TMED10: variants seen among roughly 807,000 people sequenced by gnomAD.
TMED10 encodes transmembrane p24 trafficking protein 10, also known as transmembrane emp24 domain-containing protein 10.
In TMED10, 7 loss-of-function variants were observed where a neutral mutation model predicts 23.1. The observed-to-expected ratio is 0.30, with a 90% CI of 0.17 to 0.57. The LOEUF is 0.57. Ranked by LOEUF, TMED10 falls within the 20% of genes least tolerant of loss-of-function variation. TMED10 has a pLI of 0.91. For missense variants in TMED10, 162 were observed against 274.8 expected (o/e 0.59, Z 2.90); for synonymous variants, 113 against 106.9 (o/e 1.06, Z -0.35).
At chr14:75,138,999 C>A (rs1895789746) in intron 3 of TMED10, 1 of 322,946 alleles carries the variant, frequency 3.1e-6, no homozygotes, top group Non-Finnish European at 6.0e-6. Context: ...AGTTGTACAA[C>A]CAACACATAA....
At chr14:75,170,370 C>A (rs1896218032) in intron 1 of TMED10, among the ~76,000 whole-genome samples, 1 of 152,164 alleles carries the variant, frequency 6.6e-6, no homozygotes, top group Admixed American at 6.5e-5. Flanking sequence ...TTGTGGTCTC[C>A]AAATACCAAT....
intron 1 of TMED10, among the ~76,000 whole-genome samples, chr14:75,156,433 G>A (rs1286112853): frequency 6.6e-6 from 1 of 151,964 alleles, no homozygotes; most frequent in Non-Finnish European, 1.5e-5. Flanking sequence ...AAAAGTAAAT[G>A]CCCACAGAGA....
chr14:75,143,109 T>G (rs531562631), intron 3 of TMED10, among the ~76,000 whole-genome samples: 5 of 152,266 alleles, frequency 3.3e-5, no homozygotes, highest in Admixed American at 6.5e-5. Flanking sequence ...TCCACCTGCC[T>G]CAGCCTTCCA....
At chr14:75,169,571 T>C (rs1566676404) in intron 1 of TMED10, among the ~76,000 whole-genome samples, 1 of 152,066 alleles carries the variant, frequency 6.6e-6, no homozygotes, top group East Asian at 1.9e-4. Context: ...GGCAGGAGAA[T>C]TGCTTGAACC....
At chr14:75,150,006 G>C (rs1367061812) in intron 2 of TMED10, among the ~76,000 whole-genome samples, 1 of 152,142 alleles carries the variant, frequency 6.6e-6, no homozygotes, top group East Asian at 1.9e-4. Context: ...CGGAGGCTGA[G>C]GCATGAGAAT....
At position 75,147,695 on chromosome 14, in the gene TMED10, T is replaced by C; in HGVS notation, c.380A>G (p.Lys127Arg). Residue 127 changes from lysine (K) to arginine (R), a missense_variant, in exon 3 of 5, where the codon AAG becomes AGG. Lys to Arg is a conservative substitution (Grantham distance 26). Coordinates refer to ENST00000303575, the MANE Select transcript of TMED10 (RefSeq NM_006827.6). Reference protein sequence around the residue: ...IPDQLVILDMKHGVEAKNYEE... With the variant: ...IPDQLVILDMRHGVEAKNYEE... Reference sequence around the variant, plus strand: ...GTAATTTTTCGCCTCCACTCCATGCTTCATGTCTAGGATCACGAGTTGGTC... The same window carrying C: ...GTAATTTTTCGCCTCCACTCCATGCCTCATGTCTAGGATCACGAGTTGGTC... The C allele has an allele frequency of 6.2e-7, 1 of 1,614,190 alleles. No individual in the cohort carries two copies. Among genetic ancestry groups the C allele is most frequent in the Non-Finnish European group, 8.5e-7 (1 of 1,180,032 alleles).
At chr14:75,136,719 A>T (rs1037736854) in intron 3 of TMED10, 1 of 152,236 alleles carries the variant, frequency 6.6e-6, no homozygotes, top group Non-Finnish European at 1.5e-5. Context: ...TTAATATCAG[A>T]GCTCAGATGT....
At chr14:75,151,048 A>G (rs1275839046) in intron 2 of TMED10, among the ~76,000 whole-genome samples, 1 of 151,984 alleles carries the variant, frequency 6.6e-6, no homozygotes, top group Non-Finnish European at 1.5e-5. Flanking sequence ...GATTACAGGC[A>G]TGTGCCACCA....
chr14:75,169,035 C>T (rs1896197827), intron 1 of TMED10, among the ~76,000 whole-genome samples: 1 of 152,118 alleles, frequency 6.6e-6, no homozygotes, highest in Non-Finnish European at 1.5e-5. Context: ...TAGCTAGAGT[C>T]AGAGTGGGAG....
intron 3 of TMED10, among the ~76,000 whole-genome samples, chr14:75,137,694 C>A (rs1363357568): frequency 1.4e-5 from 1 of 69,566 alleles, no homozygotes; most frequent in Non-Finnish European, 3.0e-5. Context: ...AAAAAAAATT[C>A]TGTTTCTTTC....
In TMED10 at chr14:75,134,747, C is replaced by CAT; in HGVS notation, c.*137_*138insAT. On this transcript the variant is annotated 3_prime_UTR_variant, in exon 5 of 5. Coordinates refer to ENST00000303575, the MANE Select transcript of TMED10 (RefSeq NM_006827.6). ...GTAGGTGGTACCCCATGTCCTCCCA[C>CAT]ACCAAAAGAGATCAGTTCTGGCAAG... 8.4e-7 allele frequency: 1 copy of CAT among 1,191,120 alleles called. No individual in the cohort carries two copies. 73.8% of individuals were successfully genotyped at this position (1,191,120 alleles called of 1,614,324 possible). A position where few individuals can be genotyped will look rare whatever the true frequency, so the allele number is the denominator to read the frequency against.
intron 1 of TMED10, among the ~76,000 whole-genome samples, chr14:75,153,776 C>CTTTTTTTTT (rs1485882368): frequency 4.7e-5 from 4 of 84,636 alleles, no homozygotes; most frequent in Admixed American, 1.5e-4. Context: ...TTTTTTTTTC[C>CTTTTTTTTT]CTTTTTTTTT....
Position 75,140,976 on chromosome 14 carries a change from A to C in TMED10, c.412-5090T>G, listed in dbSNP as rs370038881. Among the ~76,000 whole-genome samples, 13 of 152,308 alleles carry C rather than the reference A, an allele frequency of 8.5e-5. No homozygotes were observed. In the East Asian group the frequency reaches 1.5e-3, roughly 18 times the overall value. ...TACCAGCTTAAAACAAATATAAAAAAGTTTCTTGATTTTTTTTAAACATTT... is the reference window on the plus strand; with the variant it reads ...TACCAGCTTAAAACAAATATAAAAACGTTTCTTGATTTTTTTTAAACATTT... On this transcript the variant is annotated intron_variant, in intron 3 of 4. Coordinates refer to ENST00000303575, the MANE Select transcript of TMED10 (RefSeq NM_006827.6).
At chr14:75,171,836 A>T (rs1441716246) in intron 1 of TMED10, among the ~76,000 whole-genome samples, 1 of 119,164 alleles carries the variant, frequency 8.4e-6, no homozygotes, top group African/African-American at 3.1e-5. Context: ...TCCACTTATC[A>T]ATCTTAGCAG....
At chr14:75,142,797 C>T (rs1423293182) in intron 3 of TMED10, among the ~76,000 whole-genome samples, 1 of 152,182 alleles carries the variant, frequency 6.6e-6, no homozygotes, top group Non-Finnish European at 1.5e-5. Context: ...CTAAGTGCTG[C>T]TGGTCCCCTG....
At position 75,134,392 on chromosome 14, in the gene TMED10, T is replaced by C. The variant is rs1895723310; in HGVS notation, c.*493A>G. 1 of 155,938 alleles carries C rather than the reference T, an allele frequency of 6.4e-6. No individual in the cohort carries two copies. Among genetic ancestry groups the C allele is most frequent in the African/African-American group, 2.4e-5 (1 of 41,472 alleles). The allele number at this position is 155,938 out of a possible 1,614,324, so 9.7% of individuals were successfully genotyped here. On this transcript the variant is annotated 3_prime_UTR_variant, in exon 5 of 5. Transcript: ENST00000303575. The stretch of plus-strand genomic sequence containing the variant: ...CATGAAAAGATATCACCAGAAGCTA[T>C]GTAAACATTTCAGCTAAGGGTAAAG...
At chr14:75,174,799 T>C (rs1050395244) in intron 1 of TMED10, among the ~76,000 whole-genome samples, 2 of 151,946 alleles carry the variant, frequency 1.3e-5, no homozygotes, top group African/African-American at 4.8e-5. Context: ...TCCCAGCACT[T>C]TGGGAGGCCG....
chr14:75,176,601 A>G lies in TMED10; in HGVS notation c.-22T>C, dbSNP rs781486551. 1.9e-6 allele frequency: 3 copies of G among 1,613,196 alleles called. No homozygotes were observed. The highest frequency in any genetic ancestry group is 3.3e-5 in the Admixed American group (2 of 59,942). ...ACATGGTGCTGGAGACTCGTTCACC[A>G]CCGAAGGCCTCAACCGCGCCGGAAC... On this transcript the variant is annotated 5_prime_UTR_variant, in exon 1 of 5. Coordinates refer to ENST00000303575, the MANE Select transcript of TMED10 (RefSeq NM_006827.6).
rs1413849803 is a variant in TMED10 at position 75,134,870 on chromosome 14, A to C, written c.*15T>G. ...TGGCTGAGGTACAAGGTGGGAGGAG[A>C]ATATGCCTCATTCATTACTCAATCA... On this transcript the variant is annotated 3_prime_UTR_variant, in exon 5 of 5. Coordinates refer to ENST00000303575, the MANE Select transcript of TMED10 (RefSeq NM_006827.6). 1 of 1,613,558 alleles carries C rather than the reference A, an allele frequency of 6.2e-7. No homozygotes were observed. The highest frequency in any genetic ancestry group is 1.7e-4 in the Middle Eastern group (1 of 6,060).
Sources: gnomAD v4.1 joint callset for allele counts (sites outside exome capture counted in the v4.1 genomes callset) on GRCh38, gnomAD v4.1.1 for gene constraint, MANE v1.5 for transcripts, NCBI Gene and HGNC (gene_info 2026-07-23, HGNC 2026-07-21) for gene names.